Variants in UBASH3A observed in about 807,000 individuals in gnomAD.
The protein encoded by UBASH3A is ubiquitin-associated and SH3 domain-containing protein A.
In UBASH3A, 63 loss-of-function variants were observed where a neutral mutation model predicts 73.5. That is an observed-to-expected ratio of 0.86 (90% confidence interval 0.70 to 1.06). UBASH3A has a LOEUF of 1.06. UBASH3A is among the 50% of genes least tolerant of loss of function. The pLI is 0.00. For synonymous variants in UBASH3A, 363 were observed against 351.1 expected (o/e 1.03, Z -0.38); for missense variants, 860 against 859.0 (o/e 1.00, Z -0.02).
chr21:42,440,395 T>C (rs553616623), intron 11 of UBASH3A, among the ~76,000 whole-genome samples: 100 of 152,366 alleles, frequency 6.6e-4, no homozygotes, highest in Non-Finnish European at 1.2e-3. Flanking sequence ...CCTGGTTGTT[T>C]AGGATCAATG....
intron 6 of UBASH3A, 79 bp from the exon 7 acceptor site, chr21:42,418,322 G>A (rs957361012): frequency 2.3e-6 from 3 of 1,288,050 alleles, no homozygotes; most frequent in Middle Eastern, 1.8e-4. Context: ...GGAGGTGGCA[G>A]GTGATAGGCC....
chr21:42,410,185 C>G, intron 3 of UBASH3A: 1 of 701,500 alleles, frequency 1.4e-6, no homozygotes, highest in Non-Finnish European at 2.6e-6. Flanking sequence ...AATGGCCCAG[C>G]AGGCAGCTCT....
At chr21:42,426,574 A>T (rs117594724) in intron 7 of UBASH3A, 123 bp from the exon 8 acceptor site, 44,402 of 1,151,112 alleles carry the variant, frequency 0.039, 1,019 homozygotes, top group Non-Finnish European at 0.046. Flanking sequence ...TTTTGTGCTC[A>T]TGGGAACCTT....
chr21:42,427,346 C>A (rs2146555369), intron 8 of UBASH3A, among the ~76,000 whole-genome samples: 1 of 152,306 alleles, frequency 6.6e-6, no homozygotes, highest in Non-Finnish European at 1.5e-5. Context: ...CATCCCTGAT[C>A]CCTGTCCTGT....
intron 5 of UBASH3A, among the ~76,000 whole-genome samples, chr21:42,414,170 C>T (rs2053157601): frequency 6.6e-6 from 1 of 152,160 alleles, no homozygotes. Context: ...GCCGCAGTGC[C>T]TTGGTGGGAG....
At chr21:42,421,164 G>A (rs1346885835) in intron 7 of UBASH3A, among the ~76,000 whole-genome samples, 6 of 152,254 alleles carry the variant, frequency 3.9e-5, no homozygotes, top group African/African-American at 1.4e-4. Flanking sequence ...AGCAGGCAGA[G>A]GTCAGAGTAC....
chr21:42,440,342 A>G (rs546330664), intron 11 of UBASH3A, among the ~76,000 whole-genome samples: 5 of 152,186 alleles, frequency 3.3e-5, no homozygotes, highest in African/African-American at 1.2e-4. Flanking sequence ...GCTCTTAATA[A>G]CTATGATGGA....
In UBASH3A at chr21:42,413,221, A is replaced by G; in HGVS notation, c.552A>G (p.Ala184=). 1 of 1,614,208 alleles carries G rather than the reference A, an allele frequency of 6.2e-7. No homozygotes were observed. The highest frequency in any genetic ancestry group is 8.5e-7 in the Non-Finnish European group (1 of 1,180,028). Residue 184 remains alanine (A), a splice_region_variant and synonymous_variant, in exon 4 of 15, where the codon GCA becomes GCG. Transcript: ENST00000319294. The surrounding 1 kb of genome is among the most constrained non-coding windows in gnomAD (Gnocchi z 4.5). ...TCGCCACGGAAGCATCTCTCTTAGC[A>G]GGTGGGCAGCCCTGGCCAGTTGCAA... The part of the protein sequence containing the change: ...MTFATEASLL[A]GTSVSRFWIF...
rs147296196 is a variant in UBASH3A at position 42,425,933 on chromosome 21, G to C, written c.1047-764G>C. On this transcript the variant is annotated intron_variant, in intron 7 of 14. Coordinates refer to ENST00000319294, the MANE Select transcript of UBASH3A (RefSeq NM_018961.4). ...GTGGATCAAAGGGGATGGTGTATTA[G>C]TCAGGGTTCCCCACAGACAGAGACA... 2.0e-4 allele frequency among the ~76,000 whole-genome samples: 30 copies of C among 152,300 alleles called. 1 individual carries two copies. Among genetic ancestry groups the C allele is most frequent in the Admixed American group, 4.6e-4 (7 of 15,304 alleles).
At chr21:42,431,527 T>G (rs995254431) in intron 8 of UBASH3A, among the ~76,000 whole-genome samples, 6 of 152,234 alleles carry the variant, frequency 3.9e-5, no homozygotes, top group African/African-American at 1.4e-4. Flanking sequence ...TCCTTTAGCA[T>G]TCAGCCAAAC....
At chr21:42,427,119 G>T (rs1002165404) in intron 8 of UBASH3A, among the ~76,000 whole-genome samples, 10 of 152,202 alleles carry the variant, frequency 6.6e-5, no homozygotes, top group Middle Eastern at 6.8e-3. Context: ...TGAGCCAAGA[G>T]GTCCCCAAGA....
chr21:42,432,551 C>A (rs965624741), intron 9 of UBASH3A, among the ~76,000 whole-genome samples: 1 of 152,196 alleles, frequency 6.6e-6, no homozygotes, highest in Non-Finnish European at 1.5e-5. Context: ...AATACACATA[C>A]CCACAAGCCA....
At chr21:42,442,961 A>T (rs1369579992) in intron 12 of UBASH3A, among the ~76,000 whole-genome samples, 1 of 152,170 alleles carries the variant, frequency 6.6e-6, no homozygotes, top group Non-Finnish European at 1.5e-5. Context: ...TGCTAAACTC[A>T]CTCTGCAAGA....
intron 8 of UBASH3A, among the ~76,000 whole-genome samples, chr21:42,429,864 G>C (rs1338898880): frequency 6.6e-6 from 1 of 152,068 alleles, no homozygotes; most frequent in East Asian, 1.9e-4. Flanking sequence ...TGAAGACTCA[G>C]CCCAGTGACC....
chr21:42,443,793 G>A (rs987225678), intron 13 of UBASH3A, among the ~76,000 whole-genome samples: 2 of 151,538 alleles, frequency 1.3e-5, no homozygotes, highest in African/African-American at 2.4e-5. Context: ...TGCAGTAACC[G>A]GGTGCACAGA....
chr21:42,441,783 A>T (rs1001898394), intron 11 of UBASH3A, among the ~76,000 whole-genome samples: 1 of 152,184 alleles, frequency 6.6e-6, no homozygotes, highest in Non-Finnish European at 1.5e-5. Flanking sequence ...ATGGACCTAA[A>T]ACACATTTGA....
At chr21:42,424,562 AG>A (rs1328578641) in intron 7 of UBASH3A, among the ~76,000 whole-genome samples, 2 of 152,132 alleles carry the variant, frequency 1.3e-5, no homozygotes, top group African/African-American at 4.8e-5. Flanking sequence ...GACAAACAAC[AG>A]GGGGGCTTGA....
intron 7 of UBASH3A, 102 bp downstream of exon 7, chr21:42,418,711 T>C (rs1478068105): frequency 1.8e-6 from 2 of 1,111,472 alleles, no homozygotes; most frequent in East Asian, 2.6e-5. Context: ...CCATTATTGG[T>C]AAAATTGCAT....
intron 9 of UBASH3A, among the ~76,000 whole-genome samples, chr21:42,433,520 C>G (rs1278366465): frequency 6.6e-6 from 1 of 152,140 alleles, no homozygotes; most frequent in African/African-American, 2.4e-5. Context: ...TGCCCTCTGC[C>G]CCCAGAGTGA....
Sources: gnomAD v4.1 joint callset for allele counts (sites outside exome capture counted in the v4.1 genomes callset) on GRCh38, gnomAD v4.1.1 for gene constraint, Gnocchi (gnomAD v3.1) non-coding constraint, MANE v1.5 for transcripts, NCBI Gene and HGNC (gene_info 2026-07-23, HGNC 2026-07-21) for gene names.